The following CLEC16A variants were observed in gnomAD, a reference collection of about 807,000 sequenced individuals.
The protein encoded by CLEC16A is protein CLEC16A.
CLEC16A carries 51 observed loss-of-function variants against 109.5 expected under a neutral mutation model. That is an observed-to-expected ratio of 0.47 (90% confidence interval 0.37 to 0.59). The LOEUF (loss-of-function observed/expected upper bound fraction) is 0.59, where lower values mean the gene tolerates loss of function less well. Ranked by LOEUF, CLEC16A falls within the 20% of genes least tolerant of loss-of-function variation. The pLI is 0.00. For synonymous variants in CLEC16A, 673 were observed against 564.2 expected (o/e 1.19, Z -2.73); for missense variants, 1,339 against 1,394.0 (o/e 0.96, Z 0.63).
At chr16:11,103,765 C>T (rs964484034) in intron 19 of CLEC16A, among the ~76,000 whole-genome samples, 2 of 152,084 alleles carry the variant, frequency 1.3e-5, no homozygotes, top group Non-Finnish European at 2.9e-5. Flanking sequence ...ACAAGTCTTA[C>T]CCATCTCTGT....
chr16:11,032,320 C>T (rs2046788831), intron 13 of CLEC16A, among the ~76,000 whole-genome samples: 1 of 152,188 alleles, frequency 6.6e-6, no homozygotes, highest in Admixed American at 6.5e-5. Context: ...TTCCTATGAG[C>T]CGTGTGGGGC....
intron 19 of CLEC16A, among the ~76,000 whole-genome samples, chr16:11,113,496 A>G (rs905429724): frequency 1.3e-5 from 2 of 151,970 alleles, no homozygotes. Flanking sequence ...CCATCTCTAC[A>G]AAAAATAAAG....
At chr16:11,123,633 C>T (rs2052589851) in intron 20 of CLEC16A, 109 bp from the exon 21 acceptor site, 3 of 1,046,652 alleles carry the variant, frequency 2.9e-6, no homozygotes, top group South Asian at 2.9e-5. Flanking sequence ...AGATCAAAAG[C>T]AGAGATGAAT....
intron 5 of CLEC16A, 47 bp from the exon 6 acceptor site, chr16:10,972,507 G>GT: frequency 1.2e-6 from 2 of 1,600,118 alleles, no homozygotes; most frequent in Non-Finnish European, 1.7e-6. Context: ...ACTGTTGTCT[G>GT]TTTTTTGCTT....
chr16:11,150,517 T>C (rs753174518), intron 22 of CLEC16A, among the ~76,000 whole-genome samples: 3 of 152,224 alleles, frequency 2.0e-5, no homozygotes, highest in Non-Finnish European at 2.9e-5. Flanking sequence ...GGCACACCTC[T>C]CTCTGTGTGC....
Position 10,991,969 on chromosome 16 carries a change from T to G in CLEC16A, c.1071+8978T>G, listed in dbSNP as rs142614144. Among the ~76,000 whole-genome samples, 237 of 152,294 alleles carry G rather than the reference T, an allele frequency of 1.6e-3. 1 individual carries two copies. The highest frequency in any genetic ancestry group is 5.5e-3 in the African/African-American group (227 of 41,578). On this transcript the variant is annotated intron_variant, in intron 10 of 23. Transcript: ENST00000409790. ...GTGCAGCTCTCATCCCTGGAGGTGA[T>G]TAATGAGTGGGAGTTTCCCTAGAGA...
rs114857657 is a variant in CLEC16A at position 11,099,221 on chromosome 16, G to A, written c.2117-21394G>A. ...GCCAGGACAGGTCATTCTCATGCAC[G>A]GCTCATCGGCAGACGTGGAGCAGAG... On this transcript the variant is annotated intron_variant, in intron 19 of 23. Coordinates refer to ENST00000409790, the MANE Select transcript of CLEC16A (RefSeq NM_015226.3). 1.4e-3 allele frequency among the ~76,000 whole-genome samples: 214 copies of A among 152,328 alleles called. 1 individual carries two copies. Among genetic ancestry groups the A allele is most frequent in the African/African-American group, 4.8e-3 (198 of 41,576 alleles).
At position 10,973,060 on chromosome 16, in the gene CLEC16A, GAGTA is replaced by G; in HGVS notation, c.728+3_728+6del. 6.2e-7 allele frequency: 1 copy of G among 1,602,628 alleles called. No individual in the cohort carries two copies. The highest frequency in any genetic ancestry group is 8.5e-7 in the Non-Finnish European group (1 of 1,174,028). On this transcript the variant is annotated splice_donor_variant and splice_donor_region_variant and coding_sequence_variant and intron_variant, in exon 7 of 24. Coordinates refer to ENST00000409790, the MANE Select transcript of CLEC16A (RefSeq NM_015226.3). LOFTEE classifies it high-confidence loss of function. Reference sequence around the variant, plus strand: ...CGATGACTGCGTGCAGACTGATGAGGAGTAAGTGACACCCCCAGGGCCACTCAGT... The same window carrying G: ...CGATGACTGCGTGCAGACTGATGAGGAGTGACACCCCCAGGGCCACTCAGT...
At chr16:11,074,295 T>G (rs1411763054) in intron 19 of CLEC16A, among the ~76,000 whole-genome samples, 2 of 152,220 alleles carry the variant, frequency 1.3e-5, no homozygotes, top group African/African-American at 4.8e-5. Context: ...GTTTCCCCTC[T>G]CTATGAATTA....
intron 22 of CLEC16A, among the ~76,000 whole-genome samples, chr16:11,131,728 A>T (rs1261735653): frequency 6.7e-6 from 1 of 149,764 alleles, no homozygotes; most frequent in African/African-American, 2.5e-5. Context: ...TCTCCTTAAA[A>T]CCCACCAGCC....
intron 1 of CLEC16A, among the ~76,000 whole-genome samples, chr16:10,953,074 G>A (rs921874639): frequency 1.3e-5 from 2 of 152,182 alleles, no homozygotes; most frequent in African/African-American, 4.8e-5. Context: ...CCAAGAATAG[G>A]CAATATTGAA....
At chr16:11,033,944 G>A (rs1346360493) in intron 13 of CLEC16A, among the ~76,000 whole-genome samples, 1 of 152,206 alleles carries the variant, frequency 6.6e-6, no homozygotes, top group East Asian at 1.9e-4. Context: ...AGGGATGGGG[G>A]TGAGTTTTAC....
At chr16:11,119,318 A>C (rs1393390373) in intron 19 of CLEC16A, among the ~76,000 whole-genome samples, 1 of 151,950 alleles carries the variant, frequency 6.6e-6, no homozygotes, top group Non-Finnish European at 1.5e-5. Context: ...GTCTATTTTT[A>C]TACCAGTACC....
intron 14 of CLEC16A, chr16:11,041,169 A>G (rs1372502989): frequency 6.6e-6 from 1 of 152,264 alleles, no homozygotes; most frequent in Non-Finnish European, 1.5e-5. Context: ...TATGAGACCT[A>G]GGACAAGTCA....
chr16:11,039,684 C>T (rs2047212696), intron 13 of CLEC16A, 70 bp from the exon 14 acceptor site: 2 of 1,524,654 alleles, frequency 1.3e-6, no homozygotes, highest in Middle Eastern at 1.7e-4. Context: ...CCCCACTCTA[C>T]AGGACCTTTC....
intron 18 of CLEC16A, 105 bp from the exon 19 acceptor site, chr16:11,060,797 T>C: frequency 8.1e-7 from 1 of 1,240,340 alleles, no homozygotes; most frequent in Non-Finnish European, 1.1e-6. Context: ...ATTGCGTTTC[T>C]TTCTTTTTTA....
chr16:11,062,193 G>A (rs2048518708), intron 19 of CLEC16A, among the ~76,000 whole-genome samples: 2 of 152,174 alleles, frequency 1.3e-5, no homozygotes, highest in South Asian at 4.1e-4. Context: ...AGAGAGGGAA[G>A]AGGCGACCCT....
intron 19 of CLEC16A, among the ~76,000 whole-genome samples, chr16:11,115,602 G>C (rs897890776): frequency 6.6e-6 from 1 of 152,124 alleles, no homozygotes; most frequent in African/African-American, 2.4e-5. Context: ...GGAACTCCTG[G>C]GCTCAAGCGA....
intron 18 of CLEC16A, among the ~76,000 whole-genome samples, chr16:11,055,201 T>C (rs2048147086): frequency 6.6e-6 from 1 of 152,184 alleles, no homozygotes; most frequent in Non-Finnish European, 1.5e-5. Context: ...TAAAGTTTAT[T>C]AACAAGTAAG....
Sources: allele counts gnomAD v4.1 joint callset (sites outside exome capture counted in the v4.1 genomes callset), GRCh38; gene constraint gnomAD v4.1.1; transcripts MANE v1.5; gene names NCBI Gene and HGNC (gene_info 2026-07-23, HGNC 2026-07-21).